SLC4A5: variants seen among roughly 807,000 people sequenced by gnomAD.
The protein encoded by SLC4A5 is solute carrier family 4 member 5.
A neutral mutation model predicts 120.4 loss-of-function variants in SLC4A5; 96 were observed. The ratio of observed to expected loss-of-function variants is 0.80; its 90% CI spans 0.68 to 0.94. The LOEUF (loss-of-function observed/expected upper bound fraction) is 0.94. Ranked by LOEUF, SLC4A5 falls within the 40% of genes least tolerant of loss-of-function variation. The pLI, the probability that SLC4A5 is intolerant of heterozygous loss-of-function variation, is 0.00. For missense variants in SLC4A5, 1,259 were observed against 1,459.5 expected (o/e 0.86, Z 2.24); for synonymous variants, 550 against 571.1 (o/e 0.96, Z 0.53).
chr2:74,333,455 T>C (rs77575705), intron 4 of SLC4A5, among the ~76,000 whole-genome samples: 18,359 of 151,550 alleles, frequency 0.12, 1,496 homozygotes, highest in East Asian at 0.47. Flanking sequence ...AAACAGCAGA[T>C]CAAAAATATT....
At chr2:74,226,021 C>T (rs114385767) in intron 27 of SLC4A5, among the ~76,000 whole-genome samples, 3,685 of 152,238 alleles carry the variant, frequency 0.024, 142 homozygotes, top group African/African-American at 0.083. Context: ...GCTCTGAGGC[C>T]CCTGAGGGCA....
At chr2:74,282,240 G>A (rs1671835849) in intron 8 of SLC4A5, among the ~76,000 whole-genome samples, 1 of 152,200 alleles carries the variant, frequency 6.6e-6, no homozygotes, top group Non-Finnish European at 1.5e-5. Flanking sequence ...ATACCTTGGA[G>A]AGTTATCTGG....
rs1671343393 is a variant in SLC4A5, at chr2:74,267,551, G to A, written c.402-2287C>T. Reference sequence around the variant, plus strand: ...ATAAAAAAGAAAAACACACTTGTGTGTGTGCACACATGTGTCTGGAGAAAG... The same window carrying A: ...ATAAAAAAGAAAAACACACTTGTGTATGTGCACACATGTGTCTGGAGAAAG... On this transcript the variant is annotated intron_variant, in intron 8 of 30. Transcript: ENST00000394019. 8.5e-5 allele frequency among the ~76,000 whole-genome samples: 13 copies of A among 152,372 alleles called. No homozygotes were observed. In the South Asian group the frequency reaches 2.7e-3, roughly 32 times the overall value.
intron 17 of SLC4A5, among the ~76,000 whole-genome samples, chr2:74,250,134 G>T (rs1670744205): frequency 6.6e-6 from 1 of 152,092 alleles, no homozygotes; most frequent in Admixed American, 6.5e-5. Context: ...CATTAAGTTT[G>T]GTCTTTAGTA....
rs1670628028 is a variant in SLC4A5, at chr2:74,246,907, C to T, written c.2059+129G>A. Reference sequence around the variant, plus strand: ...CACTGGGTTCAAGACCCTGTATTTGCTCTCTTGGAACTGTAAGCCCTTGGC... The same window carrying T: ...CACTGGGTTCAAGACCCTGTATTTGTTCTCTTGGAACTGTAAGCCCTTGGC... On this transcript the variant is annotated intron_variant, in intron 19 of 30. Transcript: ENST00000394019. The T allele has an allele frequency of 4.1e-6, 5 of 1,224,906 alleles. No homozygotes were observed. The Admixed American group carries it at 1.1e-4, about 26-fold the overall frequency. 75.9% of individuals were successfully genotyped at this position (1,224,906 alleles called of 1,614,324 possible).
intron 26 of SLC4A5, 144 bp from the exon 27 acceptor site, chr2:74,227,274 G>A: frequency 9.7e-7 from 1 of 1,035,714 alleles, no homozygotes; most frequent in Non-Finnish European, 1.4e-6. Context: ...GAGGGGGGCT[G>A]GAGGTGTCTA....
At position 74,231,429 on chromosome 2, in the gene SLC4A5, G is replaced by C. The variant is rs868268541; in HGVS notation, c.2775-121C>G. On this transcript the variant is annotated intron_variant, in intron 24 of 30. Coordinates refer to ENST00000394019, the Ensembl canonical transcript of SLC4A5. ...CAAGGCCATGGCCTTGAGGGCTTCTGCATGAAGCTCTGCCTGGTTGCCTGA... is the reference window on the plus strand; with the variant it reads ...CAAGGCCATGGCCTTGAGGGCTTCTCCATGAAGCTCTGCCTGGTTGCCTGA... The C allele has an allele frequency of 1.2e-5, 10 of 823,452 alleles. No homozygotes were observed. The Middle Eastern group carries it at 2.3e-3, about 188-fold the overall frequency. The allele number at this position is 823,452 out of a possible 1,614,324, so 51.0% of individuals were successfully genotyped here. A position where few individuals can be genotyped will look rare whatever the true frequency, so the allele number is the denominator to read the frequency against.
chr2:74,324,228 C>T (rs1389413319), intron 5 of SLC4A5, among the ~76,000 whole-genome samples: 2 of 152,194 alleles, frequency 1.3e-5, no homozygotes, highest in Non-Finnish European at 2.9e-5. Context: ...GGTTCTCAAA[C>T]TTGAGCGTGC....
chr2:74,320,155 A>T (rs13428888), intron 5 of SLC4A5, among the ~76,000 whole-genome samples: 5,962 of 152,180 alleles, frequency 0.039, 400 homozygotes, highest in African/African-American at 0.14. Flanking sequence ...AAACCAGAGG[A>T]TCAATCCAGG....
chr2:74,224,992 G>A, exon 28 of SLC4A5: 3 of 1,613,664 alleles, frequency 1.9e-6, no homozygotes, highest in Non-Finnish European at 2.5e-6. Context: ...ATGAGGCCCA[G>A]GATCTGTGGT....
intron 17 of SLC4A5, 84 bp from the exon 18 acceptor site, chr2:74,248,570 C>A: frequency 6.7e-7 from 1 of 1,500,260 alleles, no homozygotes. Context: ...GATCTCTCCA[C>A]GGGCCCAGGC....
At chr2:74,252,842 C>T in intron 15 of SLC4A5, 132 bp downstream of exon 15, 1 of 1,077,202 alleles carries the variant, frequency 9.3e-7, no homozygotes, top group Non-Finnish European at 1.3e-6. Flanking sequence ...CCTGCCTCAG[C>T]ATCCCAAAGT....
At chr2:74,299,434 A>C (rs1334179675) in intron 7 of SLC4A5, among the ~76,000 whole-genome samples, 1 of 152,208 alleles carries the variant, frequency 6.6e-6, no homozygotes, top group Non-Finnish European at 1.5e-5. Flanking sequence ...GCTGCCATGT[A>C]AAACATGCCT....
At chr2:74,277,870 T>C (rs1411347584) in intron 8 of SLC4A5, among the ~76,000 whole-genome samples, 1 of 152,046 alleles carries the variant, frequency 6.6e-6, no homozygotes, top group Non-Finnish European at 1.5e-5. Context: ...ACTGAAATGT[T>C]TACAACATTC....
chr2:74,247,242 A>G, exon 19 of SLC4A5: 1 of 1,614,200 alleles, frequency 6.2e-7, no homozygotes, highest in Non-Finnish European at 8.5e-7. Flanking sequence ...CACTAGGATA[A>G]GGCACTGGAC....
chr2:74,325,086 A>G (rs1673187648), intron 5 of SLC4A5, among the ~76,000 whole-genome samples: 1 of 152,136 alleles, frequency 6.6e-6, no homozygotes, highest in Non-Finnish European at 1.5e-5. Flanking sequence ...CTCATGTTTG[A>G]GTTGGGCTTC....
At chr2:74,336,083 T>G (rs1673480553) in intron 3 of SLC4A5, among the ~76,000 whole-genome samples, 1 of 152,148 alleles carries the variant, frequency 6.6e-6, no homozygotes, top group Admixed American at 6.5e-5. Flanking sequence ...TTATTTATTG[T>G]GGAGACAGCA....
chr2:74,250,765 A>C (rs534788777), intron 16 of SLC4A5: 1 of 474,402 alleles, frequency 2.1e-6, no homozygotes, highest in Non-Finnish European at 3.8e-6. Flanking sequence ...TCTGATGGGA[A>C]TATGTCCTGG....
intron 3 of SLC4A5, among the ~76,000 whole-genome samples, chr2:74,335,302 C>G (rs1367637118): frequency 3.9e-5 from 6 of 152,222 alleles, no homozygotes; most frequent in African/African-American, 1.2e-4. Context: ...AGAGCTGCCA[C>G]TGGAGCCATC....
Sources: allele counts gnomAD v4.1 joint callset (sites outside exome capture counted in the v4.1 genomes callset), GRCh38; gene constraint gnomAD v4.1.1; transcripts MANE v1.5; gene names NCBI Gene and HGNC (gene_info 2026-07-23, HGNC 2026-07-21).